CYBC1: variants seen among roughly 807,000 people sequenced by gnomAD.
CYBC1 encodes essential for reactive oxygen species protein.
CYBC1 carries 22 observed loss-of-function variants against 21.7 expected under a neutral mutation model. That is an observed-to-expected ratio of 1.02 (90% CI 0.73 to 1.45). CYBC1 has a LOEUF of 1.45. CYBC1 is among the 40% of genes most tolerant of loss of function. The probability of loss-of-function intolerance (pLI) is 0.00; values close to 1 mark genes in which losing one functional copy is unlikely to be tolerated. For synonymous variants in CYBC1, 112 were observed against 98.7 expected, an observed-to-expected ratio of 1.13 and a Z score of -0.80; for missense variants, 237 against 242.1, an observed-to-expected ratio of 0.98 and a Z score of 0.14.
intron 4 of CYBC1, among the ~76,000 whole-genome samples, 176 bp from the exon 5 acceptor site, chr17:82,446,136 C>T (rs1340822852): frequency 2.0e-5 from 3 of 152,200 alleles, no homozygotes; most frequent in African/African-American, 7.2e-5. Context: ...AGCCGGATAT[C>T]GGCAGCCAAC....
chr17:82,444,474 G>T lies in CYBC1; in HGVS notation c.416C>A (p.Thr139Lys). Reference protein sequence around the residue: ...RLATGFSHPLTQSAVMGHRSD... With the variant: ...RLATGFSHPLKQSAVMGHRSD... Reference sequence around the variant, plus strand: ...GCGGTGGCCCATGACTGCACTCTGCGTGAGGGGGTGGGAGAAGCCCGTCGC... The same window carrying T: ...GCGGTGGCCCATGACTGCACTCTGCTTGAGGGGGTGGGAGAAGCCCGTCGC... Residue 139 changes from threonine to lysine, a missense_variant, in exon 6 of 7, where the codon ACG becomes AAG. Thr to Lys is a moderately conservative substitution (Grantham distance 78). Coordinates refer to ENST00000306645, the MANE Select transcript of CYBC1 (RefSeq NM_001033046.4). 6.2e-7 allele frequency: 1 copy of T among 1,613,404 alleles called. No homozygotes were observed. Among genetic ancestry groups the T allele is most frequent in the Non-Finnish European group, 8.5e-7 (1 of 1,179,592 alleles).
At chr17:82,445,364 G>T in intron 5 of CYBC1, 1 of 165,008 alleles carries the variant, frequency 6.1e-6, no homozygotes, top group South Asian at 1.4e-4. Flanking sequence ...GAACCCACAG[G>T]AAAGCTGGAG....
intron 1 of CYBC1, chr17:82,449,914 CTG>C (rs2054496672): frequency 3.3e-5 from 5 of 152,282 alleles, no homozygotes; most frequent in Admixed American, 3.3e-4. Flanking sequence ...GCTCCCAACA[CTG>C]GCCCCAGGGA....
chr17:82,446,544 C>T, intron 4 of CYBC1, 79 bp downstream of exon 4: 1 of 1,433,258 alleles, frequency 7.0e-7, no homozygotes, highest in Non-Finnish European at 9.8e-7. Context: ...AGGGCCCTTC[C>T]TCCTCCTTTC....
intron 3 of CYBC1, 61 bp from the exon 4 acceptor site, chr17:82,446,757 G>A (rs1025106125): frequency 2.1e-5 from 32 of 1,507,206 alleles, no homozygotes; most frequent in African/African-American, 1.6e-4. Flanking sequence ...GGGAGGCCCC[G>A]CCTAGCACAG....
intron 2 of CYBC1, chr17:82,448,026 A>G: frequency 3.4e-6 from 1 of 296,802 alleles, no homozygotes; most frequent in Non-Finnish European, 6.4e-6. Flanking sequence ...GTGTTACTCC[A>G]GTAGCACGTG....
intron 5 of CYBC1, 142 bp downstream of exon 5, chr17:82,445,722 G>T (rs1053421334): frequency 1.1e-5 from 7 of 615,532 alleles, no homozygotes; most frequent in Non-Finnish European, 2.0e-5. Context: ...CCAGCGGGCA[G>T]GACACAACCC....
At chr17:82,444,210 C>T in intron 6 of CYBC1, 86 bp from the exon 7 acceptor site, 1 of 1,545,280 alleles carries the variant, frequency 6.5e-7, no homozygotes. Flanking sequence ...TCCTCGACCA[C>T]CTACCTCCCG....
intron 5 of CYBC1, chr17:82,445,539 G>A (rs1010025086): frequency 2.3e-5 from 5 of 221,844 alleles, no homozygotes; most frequent in South Asian, 6.7e-5. Context: ...GAGGCTGCCC[G>A]AGCCCGGGTG....
chr17:82,443,548 CG>C lies in CYBC1; in HGVS notation c.*455del. 1 of 701,298 alleles carries C rather than the reference CG, an allele frequency of 1.4e-6. No homozygotes were observed. The highest frequency in any genetic ancestry group is 1.5e-5 in the South Asian group (1 of 66,776). The allele number at this position is 701,298 out of a possible 1,614,324, so 43.4% of individuals were successfully genotyped here. A position where few individuals can be genotyped will look rare whatever the true frequency, so the allele number is the denominator to read the frequency against. On this transcript the variant is annotated 3_prime_UTR_variant, in exon 7 of 7. Transcript: ENST00000306645. This position sits in a 1 kb window ranked among gnomAD's most constrained non-coding sequence, Gnocchi z 6.7. ...TGCAGCATCAGCACCCACAAGGGCC[CG>C]GCCTGGCCCCGCCTCTCCACTCGCC...
intron 1 of CYBC1, chr17:82,449,709 GCT>G (rs2054484294): frequency 6.3e-6 from 1 of 159,386 alleles, no homozygotes; most frequent in South Asian, 1.9e-4. Flanking sequence ...TCCCATCATG[GCT>G]TCCGGCCGTA....
At chr17:82,448,928 A>C (rs1361909573) in intron 2 of CYBC1, 2 of 518,942 alleles carry the variant, frequency 3.9e-6, no homozygotes, top group African/African-American at 4.0e-5. Flanking sequence ...TGGTGACCTC[A>C]GAAAAGCTCA....
intron 5 of CYBC1, chr17:82,445,641 A>G (rs112380604): frequency 1.0e-5 from 5 of 484,182 alleles, no homozygotes; most frequent in African/African-American, 8.1e-5. Context: ...CCAAACCTCT[A>G]AAGAACCCAG....
At chr17:82,450,047 C>G (rs988407688) in intron 1 of CYBC1, 10 of 152,090 alleles carry the variant, frequency 6.6e-5, no homozygotes, top group African/African-American at 2.4e-4. Flanking sequence ...TTTGGGAGGA[C>G]GAGGCGTGCG....
At chr17:82,446,775 C>T (rs1467787512) in intron 3 of CYBC1, 79 bp from the exon 4 acceptor site, 6 of 1,428,964 alleles carry the variant, frequency 4.2e-6, no homozygotes, top group Non-Finnish European at 5.9e-6. Flanking sequence ...CAGCCTCCCC[C>T]AGACGCTGGC....
intron 6 of CYBC1, 94 bp downstream of exon 6, chr17:82,444,350 TCTC>T (rs1183375317): frequency 2.2e-5 from 33 of 1,513,424 alleles, no homozygotes; most frequent in Non-Finnish European, 2.8e-5. Flanking sequence ...CACAAACTCA[TCTC>T]CTCTCCCAGC....
intron 3 of CYBC1, chr17:82,447,200 A>G: frequency 6.0e-6 from 2 of 332,930 alleles, no homozygotes; most frequent in Non-Finnish European, 1.1e-5. Flanking sequence ...AAAAATACAA[A>G]AAATTAGCCG....
chr17:82,447,861 G>A (rs1005588722), intron 2 of CYBC1: 11 of 594,298 alleles, frequency 1.9e-5, no homozygotes, highest in South Asian at 4.1e-5. Flanking sequence ...CTGGGAGGCC[G>A]AGGAAGGAAG....
chr17:82,447,511 T>C, intron 3 of CYBC1, 69 bp downstream of exon 3: 1 of 1,334,354 alleles, frequency 7.5e-7, no homozygotes. Context: ...AATGACAGTT[T>C]TTCCTTCTTT....
Sources: allele counts gnomAD v4.1 joint callset (sites outside exome capture counted in the v4.1 genomes callset), GRCh38; gene constraint gnomAD v4.1.1; non-coding constraint Gnocchi (gnomAD v3.1); transcripts MANE v1.5; gene names NCBI Gene and HGNC (gene_info 2026-07-23, HGNC 2026-07-21).